RBMS3: variants seen among roughly 807,000 people sequenced by gnomAD.
RBMS3 encodes RNA binding motif single stranded interacting protein 3.
In RBMS3, 27 loss-of-function variants were observed where a neutral mutation model predicts 66.8. That is an observed-to-expected ratio of 0.40 (90% CI 0.30 to 0.56). RBMS3 has a LOEUF of 0.56. RBMS3 is among the 20% of genes least tolerant of loss of function. The probability of loss-of-function intolerance (pLI) is 0.40; values close to 1 mark genes in which losing one functional copy is unlikely to be tolerated. For synonymous variants in RBMS3, 188 were observed against 183.0 expected (o/e 1.03, Z -0.22); for missense variants, 513 against 549.5 (o/e 0.93, Z 0.66).
At chr3:29,703,432 C>T (rs766239822) in intron 4 of RBMS3, among the ~76,000 whole-genome samples, 1 of 152,178 alleles carries the variant, frequency 6.6e-6, no homozygotes, top group Non-Finnish European at 1.5e-5. Context: ...CCAGAAACAA[C>T]TTAATGAATG....
intron 6 of RBMS3, among the ~76,000 whole-genome samples, chr3:29,813,661 C>T (rs931599436): frequency 7.9e-5 from 12 of 151,916 alleles, no homozygotes; most frequent in East Asian, 3.9e-4. Context: ...TTCGTTGAGC[C>T]GTGGTTTGTA....
At chr3:29,310,744 G>A (rs533413143) in intron 1 of RBMS3, among the ~76,000 whole-genome samples, 3 of 151,762 alleles carry the variant, frequency 2.0e-5, no homozygotes, top group East Asian at 1.9e-4. Context: ...CTCAAGATGC[G>A]CTCCTTGGGG....
At chr3:29,827,635 T>C (rs981920200) in intron 6 of RBMS3, among the ~76,000 whole-genome samples, 12 of 152,300 alleles carry the variant, frequency 7.9e-5, no homozygotes, top group African/African-American at 2.6e-4. Flanking sequence ...CAATTCCATG[T>C]TGTGTTACCT....
intron 1 of RBMS3, among the ~76,000 whole-genome samples, chr3:29,391,797 A>G (rs1277197549): frequency 6.6e-6 from 1 of 152,232 alleles, no homozygotes; most frequent in African/African-American, 2.4e-5. Flanking sequence ...TTTTACAAAA[A>G]TAGTCACCCA....
chr3:29,413,909 T>G (rs1349983791), intron 1 of RBMS3, among the ~76,000 whole-genome samples: 2 of 152,364 alleles, frequency 1.3e-5, no homozygotes, highest in East Asian at 3.9e-4. Flanking sequence ...TTTGTTCCTT[T>G]TACTTAAACT....
intron 6 of RBMS3, among the ~76,000 whole-genome samples, chr3:29,837,349 G>T (rs1156444059): frequency 6.6e-6 from 1 of 151,672 alleles, no homozygotes; most frequent in African/African-American, 2.4e-5. Flanking sequence ...TTTTCCTTGT[G>T]TCCTGGGATT....
intron 12 of RBMS3, among the ~76,000 whole-genome samples, chr3:29,983,565 T>C (rs1480069806): frequency 2.6e-5 from 4 of 152,162 alleles, no homozygotes; most frequent in African/African-American, 9.7e-5. Flanking sequence ...GTTTTTCCTT[T>C]CCATATTTAG....
intron 1 of RBMS3, among the ~76,000 whole-genome samples, chr3:29,419,718 G>A (rs529154477): frequency 1.3e-5 from 2 of 152,272 alleles, no homozygotes; most frequent in South Asian, 2.1e-4. Flanking sequence ...TCGCCAAAGT[G>A]TTGGGTTCCA....
chr3:29,934,345 C>T (rs1405276785), intron 10 of RBMS3, among the ~76,000 whole-genome samples: 1 of 151,622 alleles, frequency 6.6e-6, no homozygotes. Context: ...CATCTTAACT[C>T]TGAGGTTATT....
intron 14 of RBMS3, among the ~76,000 whole-genome samples, chr3:29,993,335 T>C (rs978898630): frequency 6.6e-6 from 1 of 152,044 alleles, no homozygotes; most frequent in Non-Finnish European, 1.5e-5. Flanking sequence ...GGGTTATATG[T>C]GGGGAAAGGA....
chr3:29,819,121 T>C (rs1297706657), intron 6 of RBMS3, among the ~76,000 whole-genome samples: 1 of 152,176 alleles, frequency 6.6e-6, no homozygotes, highest in Non-Finnish European at 1.5e-5. Flanking sequence ...ACATCAAGTG[T>C]TCTATTCTTT....
At chr3:29,745,438 G>A (rs1271504424) in intron 5 of RBMS3, among the ~76,000 whole-genome samples, 16 of 152,138 alleles carry the variant, frequency 1.1e-4, no homozygotes, top group African/African-American at 2.4e-4. Context: ...GGATCAGAGC[G>A]TAAATCATCC....
At chr3:29,866,077 T>A (rs1043762874) in intron 6 of RBMS3, among the ~76,000 whole-genome samples, 132 of 105,428 alleles carry the variant, frequency 1.3e-3, no homozygotes, top group Middle Eastern at 6.0e-3. Flanking sequence ...CACCAAATAC[T>A]AAAAAAAAAA....
At chr3:29,429,854 T>C (rs1208759161) in intron 1 of RBMS3, among the ~76,000 whole-genome samples, 1 of 152,088 alleles carries the variant, frequency 6.6e-6, no homozygotes, top group Non-Finnish European at 1.5e-5. Context: ...AGACAAAGAA[T>C]TGAGAAAGGA....
chr3:29,635,735 G>A (rs74892962), intron 4 of RBMS3, among the ~76,000 whole-genome samples: 2,980 of 151,956 alleles, frequency 0.02, 37 homozygotes, highest in Admixed American at 0.029. Flanking sequence ...CAAGATACAC[G>A]TTTCCTATTC....
intron 4 of RBMS3, chr3:29,698,116 G>A: frequency 2.6e-6 from 2 of 770,464 alleles, no homozygotes; most frequent in South Asian, 1.2e-4. Flanking sequence ...CTCCCTGAAG[G>A]GACAGGCTTG....
intron 4 of RBMS3, among the ~76,000 whole-genome samples, chr3:29,736,835 T>G (rs1400016547): frequency 6.6e-6 from 1 of 152,190 alleles, no homozygotes; most frequent in East Asian, 1.9e-4. Context: ...TGAATTCCCT[T>G]TGCAACAGAG....
At chr3:29,700,890 G>A (rs1200840466) in intron 4 of RBMS3, among the ~76,000 whole-genome samples, 3 of 152,086 alleles carry the variant, frequency 2.0e-5, no homozygotes, top group Non-Finnish European at 4.4e-5. Flanking sequence ...ATGTGTACAC[G>A]TATACGTTGG....
intron 1 of RBMS3, among the ~76,000 whole-genome samples, chr3:29,373,716 A>T (rs1216729743): frequency 6.6e-6 from 1 of 152,188 alleles, no homozygotes; most frequent in East Asian, 1.9e-4. Context: ...ATTTAGAATG[A>T]TGCATTTTTG....
Sources: gnomAD v4.1 joint callset for allele counts (sites outside exome capture counted in the v4.1 genomes callset) on GRCh38, gnomAD v4.1.1 for gene constraint, MANE v1.5 for transcripts, NCBI Gene and HGNC (gene_info 2026-07-23, HGNC 2026-07-21) for gene names.